Variants in MAP3K21 observed in about 807,000 individuals in gnomAD.
MAP3K21 encodes mitogen-activated protein kinase kinase kinase 21.
Under a neutral mutation model 86.1 loss-of-function variants are expected in MAP3K21, and 63 were observed. The observed-to-expected ratio is 0.73, with a 90% confidence interval of 0.60 to 0.90. The LOEUF (loss-of-function observed/expected upper bound fraction) is 0.90. Ranked by LOEUF, MAP3K21 falls within the 40% of genes least tolerant of loss-of-function variation. The pLI is 0.00. For synonymous variants in MAP3K21, 558 were observed against 564.8 expected (o/e 0.99, Z 0.17); for missense variants, 1,220 against 1,367.7 (o/e 0.89, Z 1.70).
Position 233,328,326 on chromosome 1 carries a change from T to C in MAP3K21, c.298T>C (p.Cys100Arg). 3 of 1,474,180 alleles carry C rather than the reference T, an allele frequency of 2.0e-6. No individual in the cohort carries two copies. The highest frequency in any genetic ancestry group is 2.6e-5 in the South Asian group (2 of 77,330). The allele number at this position is 1,474,180 out of a possible 1,614,324, so 91.3% of individuals were successfully genotyped here. A position where few individuals can be genotyped will look rare whatever the true frequency, so the allele number is the denominator to read the frequency against. ...GIFPANYVAP[C>R]RPAASPAPPP... ...CTTCCCCGCCAACTACGTGGCTCCC[T>C]GCCGCCCGGCCGCCAGCCCCGCGCC... Residue 100 changes from cysteine to arginine, a missense_variant, in exon 1 of 10, where the codon TGC becomes CGC. Transcript: ENST00000366624. The surrounding 1 kb of genome is among the most constrained non-coding windows in gnomAD (Gnocchi z 8.7).
Position 233,339,270 on chromosome 1 carries a change from C to G in MAP3K21, c.806-7172C>G, listed in dbSNP as rs112816242. Among the ~76,000 whole-genome samples the G allele has an allele frequency of 5.3e-3, 459 of 87,224 alleles. 15 individuals carry two copies. Among genetic ancestry groups the G allele is most frequent in the East Asian group, 7.1e-3 (15 of 2,126 alleles). The allele number at this position is 87,224 out of a possible 152,430, so 57.2% of individuals were successfully genotyped here. A position where few individuals can be genotyped will look rare whatever the true frequency, so the allele number is the denominator to read the frequency against. On this transcript the variant is annotated intron_variant, in intron 1 of 9. Transcript: ENST00000366624. ...TCTTCTTCTTCTTCTTCTTCTTCCT[C>G]TTCTTCTTCTTCTTCTTCTTCCTCT... is the stretch of plus-strand genomic sequence containing the variant.
chr1:233,379,104 G>C lies in MAP3K21; in HGVS notation c.2098G>C (p.Val700Leu). The change falls in exon 9 of 10, where the codon GTC (valine) becomes CTC (leucine). Residue 700 changes from valine (V) to leucine (L), a missense_variant. This residue lies in a region of MAP3K21 where 632 missense variants were observed against 691.3 expected (regional missense o/e 0.91). Coordinates refer to ENST00000366624, the MANE Select transcript of MAP3K21 (RefSeq NM_032435.3). ...EEAASANAAT[V>L]SIEMTPTNSL... ...GGCAGCCTCTGCGAATGCTGCCACA[G>C]TCTCCATTGAGATGACTCCTACGAA... 1.2e-6 allele frequency: 2 copies of C among 1,614,208 alleles called. No individual in the cohort carries two copies. Among genetic ancestry groups the C allele is most frequent in the Non-Finnish European group, 1.7e-6 (2 of 1,180,036 alleles).
chr1:233,371,749 TTGTGTGTGTG>T (rs71574858), intron 5 of MAP3K21, among the ~76,000 whole-genome samples: 1,550 of 147,740 alleles, frequency 0.01, 14 homozygotes, highest in Non-Finnish European at 0.016. Flanking sequence ...ATATTTTCCT[TTGTGTGTGTG>T]TGTGTGTGTG....
intron 9 of MAP3K21, among the ~76,000 whole-genome samples, chr1:233,380,440 G>C (rs528396797): frequency 6.6e-6 from 1 of 152,092 alleles, no homozygotes; most frequent in Non-Finnish European, 1.5e-5. Context: ...AATCACCTCT[G>C]TACAGACCCT....
intron 2 of MAP3K21, among the ~76,000 whole-genome samples, chr1:233,352,871 G>T (rs1663276116): frequency 6.6e-6 from 1 of 152,154 alleles, no homozygotes; most frequent in South Asian, 2.1e-4. Flanking sequence ...TTTTGAAGAA[G>T]AATAAGAGAA....
chr1:233,327,960 T>C lies in MAP3K21; in HGVS notation c.-69T>C. On this transcript the variant is annotated 5_prime_UTR_variant, in exon 1 of 10. An upstream start codon of the reference 5' UTR is lost. Transcript: ENST00000366624. ...CGCCGACGGCCACACCGCCGGACGA[T>C]GCGCGCCCGCGGCCGCCCGGGAGGC... The C allele has an allele frequency of 1.7e-6, 2 of 1,198,724 alleles. No homozygotes were observed. Among genetic ancestry groups the C allele is most frequent in the Admixed American group, 4.4e-5 (1 of 22,940 alleles). The allele number at this position is 1,198,724 out of a possible 1,614,324, so 74.3% of individuals were successfully genotyped here.
Position 233,378,967 on chromosome 1 carries a change from T to C in MAP3K21, c.1961T>C (p.Leu654Ser). Residue 654 changes from leucine (L) to serine (S), a missense_variant, in exon 9 of 10, where the codon TTA becomes TCA. This residue lies in a region of MAP3K21 where 632 missense variants were observed against 691.3 expected (regional missense o/e 0.91). Transcript: ENST00000366624. The part of the protein sequence containing the change: ...CEEPKLSPDG[L>S]EHRKPKQIKL... The stretch of plus-strand genomic sequence containing the variant: ...GAGCCAAAACTTTCCCCTGATGGAT[T>C]AGAACACAGAAAACCAAAACAAATA... 6.2e-7 allele frequency: 1 copy of C among 1,613,876 alleles called. No individual in the cohort carries two copies.
At chr1:233,381,163 C>T (rs968944840) in intron 9 of MAP3K21, among the ~76,000 whole-genome samples, 4 of 152,146 alleles carry the variant, frequency 2.6e-5, no homozygotes, top group African/African-American at 9.7e-5. Flanking sequence ...ATTGTAGTGT[C>T]ATGGTTAATA....
intron 1 of MAP3K21, among the ~76,000 whole-genome samples, chr1:233,339,725 C>T (rs1171733690): frequency 6.6e-6 from 1 of 152,008 alleles, no homozygotes; most frequent in East Asian, 1.9e-4. Context: ...CTCAAGTGAT[C>T]CTCCCGCTTT....
intron 9 of MAP3K21, 52 bp downstream of exon 9, chr1:233,379,762 A>G (rs1471286939): frequency 3.1e-6 from 4 of 1,300,682 alleles, no homozygotes; most frequent in Non-Finnish European, 1.1e-6. Context: ...AGAGATTAGT[A>G]TGTGAAACAG....
At chr1:233,330,544 C>T (rs1466786200) in intron 1 of MAP3K21, among the ~76,000 whole-genome samples, 1 of 152,140 alleles carries the variant, frequency 6.6e-6, no homozygotes. Flanking sequence ...TCCTGAAAGC[C>T]TGCGTCTGTT....
chr1:233,351,928 AC>A (rs1283981635), intron 2 of MAP3K21, among the ~76,000 whole-genome samples: 2 of 152,118 alleles, frequency 1.3e-5, no homozygotes, highest in South Asian at 4.2e-4. Context: ...TTGCTCTGCC[AC>A]CCATGCTGGA....
intron 1 of MAP3K21, among the ~76,000 whole-genome samples, chr1:233,333,244 G>A (rs1369114667): frequency 6.6e-6 from 1 of 152,130 alleles, no homozygotes; most frequent in Admixed American, 6.5e-5. Flanking sequence ...TCTCTCTTCT[G>A]TTCTTATACT....
rs1289225342 is a variant in MAP3K21, at chr1:233,382,346, C to T, written c.2746C>T (p.Pro916Ser). The T allele has an allele frequency of 1.2e-6, 2 of 1,614,082 alleles. No individual in the cohort carries two copies. Among genetic ancestry groups the T allele is most frequent in the East Asian group, 2.2e-5 (1 of 44,886 alleles). ...CTCAGCCACTGGAGCCTCTGCACTG[C>T]CACTCTGCCCCTCACCTGCTCCTCA... Reference protein sequence around the residue: ...IISATGASALPLCPSPAPHSH... With the variant: ...IISATGASALSLCPSPAPHSH... The change falls in exon 10 of 10, where the codon CCA becomes TCA. Residue 916 changes from proline to serine, a missense_variant. Physicochemically the swap from Pro to Ser is moderately conservative, Grantham distance 74 (BLOSUM62 -1). Transcript: ENST00000366624.
chr1:233,332,505 G>C (rs1662826566), intron 1 of MAP3K21, among the ~76,000 whole-genome samples: 1 of 152,176 alleles, frequency 6.6e-6, no homozygotes, highest in Non-Finnish European at 1.5e-5. Flanking sequence ...TCCCTCTGCT[G>C]TGCACATGGA....
At chr1:233,358,059 G>T (rs3831928) in intron 4 of MAP3K21, among the ~76,000 whole-genome samples, 31,496 of 146,114 alleles carry the variant, frequency 0.22, 3,433 homozygotes, top group East Asian at 0.31. Context: ...TGCCTGATGG[G>T]TTTTTTTTTT....
chr1:233,382,811 C>T lies in MAP3K21; in HGVS notation c.*100C>T. The T allele has an allele frequency of 9.3e-7, 1 of 1,080,986 alleles. No homozygotes were observed. Among genetic ancestry groups the T allele is most frequent in the Non-Finnish European group, 1.3e-6 (1 of 756,648 alleles). The allele number at this position is 1,080,986 out of a possible 1,614,324, so 67.0% of individuals were successfully genotyped here. A position where few individuals can be genotyped will look rare whatever the true frequency, so the allele number is the denominator to read the frequency against. On this transcript the variant is annotated 3_prime_UTR_variant, in exon 10 of 10. Transcript: ENST00000366624. The stretch of plus-strand genomic sequence containing the variant: ...TTTCATGCTGCTGTGTTTTCAAAAG[C>T]TGTGGCCATGTTCCTAAATTAGTAA...
intron 8 of MAP3K21, 22 bp downstream of exon 8, chr1:233,376,549 G>C: frequency 6.4e-7 from 1 of 1,559,494 alleles, no homozygotes; most frequent in Non-Finnish European, 8.8e-7. Context: ...TCAGGAGGTA[G>C]GATTTGCTTG....
chr1:233,335,112 C>A (rs1662887770), intron 1 of MAP3K21, among the ~76,000 whole-genome samples: 1 of 152,070 alleles, frequency 6.6e-6, no homozygotes, highest in African/African-American at 2.4e-5. Context: ...TAATGACTGT[C>A]CCCAAACTCT....
Sources: gnomAD v4.1 joint callset for allele counts (sites outside exome capture counted in the v4.1 genomes callset) on GRCh38, gnomAD v4.1.1 for gene constraint, gnomAD v4.1.1 regional missense constraint, Gnocchi (gnomAD v3.1) non-coding constraint, MANE v1.5 for transcripts, NCBI Gene and HGNC (gene_info 2026-07-23, HGNC 2026-07-21) for gene names.